PCDHA12: variants seen among roughly 807,000 people sequenced by gnomAD.
PCDHA12 encodes protocadherin alpha-12.
A neutral mutation model predicts 60.0 loss-of-function variants in PCDHA12; 44 were observed. That is an observed-to-expected ratio of 0.73 (90% CI 0.58 to 0.94). The LOEUF (loss-of-function observed/expected upper bound fraction) is 0.94. Among genes scored for constraint, PCDHA12 ranks in the 40% least tolerant of loss-of-function variants. PCDHA12 has a pLI of 0.00. For missense variants in PCDHA12, 1,276 were observed against 1,239.7 expected (o/e 1.03, Z -0.44); for synonymous variants, 569 against 553.0 (o/e 1.03, Z -0.40).
intron 1 of PCDHA12, chr5:140,968,789 G>T (rs782339889): frequency 1.9e-6 from 3 of 1,614,180 alleles, no homozygotes; most frequent in South Asian, 1.1e-5. Flanking sequence ...AGCCTCTGTG[G>T]CCATTACAGT....
At chr5:140,969,933 C>T (rs2096370749) in intron 1 of PCDHA12, among the ~76,000 whole-genome samples, 1 of 152,192 alleles carries the variant, frequency 6.6e-6, no homozygotes, top group South Asian at 2.1e-4. Context: ...ATTTAGACAT[C>T]ATACTGAAGC....
At chr5:140,911,592 A>G (rs1255304289) in intron 1 of PCDHA12, among the ~76,000 whole-genome samples, 1 of 152,212 alleles carries the variant, frequency 6.6e-6, no homozygotes, top group Non-Finnish European at 1.5e-5. Flanking sequence ...GGAGGAACCA[A>G]CCAACTTCAT....
rs781931363 is a variant in PCDHA12, at chr5:140,877,326, G to T, written c.1854G>T (p.Ala618=). ...AGTTGCAACCGGCGGCGGTCGGCGC[G>T]CACATCCCGTTCCACGTGGGGCTGT... ...SYELQPAAVG[A]HIPFHVGLYT... is the part of the protein sequence containing the mutation. The change falls in exon 1 of 4, where the codon GCG becomes GCT. Residue 618 remains alanine (A), a synonymous_variant. Transcript: ENST00000398631. 1 of 1,613,964 alleles carries T rather than the reference G, an allele frequency of 6.2e-7. No individual in the cohort carries two copies. Among genetic ancestry groups the T allele is most frequent in the East Asian group, 2.2e-5 (1 of 44,876 alleles).
chr5:140,968,923 T>G lies in PCDHA12; in HGVS notation c.2368-10026T>G, dbSNP rs140504777. The G allele has an allele frequency of 2.9e-3, 4,668 of 1,614,212 alleles. 4 individuals are homozygous for G. Among genetic ancestry groups the G allele is most frequent in the Non-Finnish European group, 3.3e-3 (3,916 of 1,180,046 alleles). ...CATTAAGCACAGTGTCTTTTATATT[T>G]CTTTTGACAATCATCATTTTGAGCA... On this transcript the variant is annotated intron_variant, in intron 1 of 3. Coordinates refer to ENST00000398631, the MANE Select transcript of PCDHA12 (RefSeq NM_018903.4).
chr5:140,891,876 G>C (rs781983742), intron 1 of PCDHA12, among the ~76,000 whole-genome samples: 9 of 152,186 alleles, frequency 5.9e-5, no homozygotes, highest in Non-Finnish European at 1.2e-4. Context: ...TTTTGGCTCT[G>C]TCATGTGACG....
At chr5:140,894,632 TATC>T (rs1161134901) in intron 1 of PCDHA12, among the ~76,000 whole-genome samples, 1 of 151,990 alleles carries the variant, frequency 6.6e-6, no homozygotes, top group Non-Finnish European at 1.5e-5. Context: ...TCTCCAATCA[TATC>T]ATTACTGAGT....
intron 1 of PCDHA12, among the ~76,000 whole-genome samples, chr5:140,909,491 A>T (rs1031839388): frequency 1.3e-5 from 2 of 152,218 alleles, no homozygotes; most frequent in Non-Finnish European, 2.9e-5. Flanking sequence ...GGAGAGCTGA[A>T]CGGGGATGTG....
rs782133089 is a variant in PCDHA12, at chr5:140,924,894, CAAA to C, written c.2367+47064_2367+47066del. Reference sequence around the variant, plus strand: ...TGGGTGACAGAGCAAGAACCTGTCTCAAAAAAAAAAATAAAATAAAATAAAATA... The same window carrying C: ...TGGGTGACAGAGCAAGAACCTGTCTCAAAAAAAATAAAATAAAATAAAATA... On this transcript the variant is annotated intron_variant, in intron 1 of 3. Transcript: ENST00000398631. Among the ~76,000 whole-genome samples the C allele has an allele frequency of 6.8e-3, 488 of 71,480 alleles. 13 individuals carry two copies. Among genetic ancestry groups the C allele is most frequent in the East Asian group, 0.051 (79 of 1,534 alleles). The allele number at this position is 71,480 out of a possible 152,430, so 46.9% of individuals were successfully genotyped here. A position where few individuals can be genotyped will look rare whatever the true frequency, so the allele number is the denominator to read the frequency against.
chr5:140,976,927 G>A (rs1322531610), intron 1 of PCDHA12, among the ~76,000 whole-genome samples: 2 of 152,184 alleles, frequency 1.3e-5, no homozygotes, highest in Admixed American at 1.3e-4. Context: ...CTAGTACTGT[G>A]TAGCTACTTA....
At chr5:140,890,886 A>G (rs1332125590) in intron 1 of PCDHA12, among the ~76,000 whole-genome samples, 3 of 151,952 alleles carry the variant, frequency 2.0e-5, no homozygotes, top group Admixed American at 1.3e-4. Flanking sequence ...TTCATCAGGG[A>G]TTATTGTCTT....
In PCDHA12 at chr5:141,010,099, G is replaced by T; in HGVS notation, c.*162G>T. 5 of 1,612,768 alleles carry T rather than the reference G, an allele frequency of 3.1e-6. No individual in the cohort carries two copies. The highest frequency in any genetic ancestry group is 4.2e-6 in the Non-Finnish European group (5 of 1,179,316). On this transcript the variant is annotated 3_prime_UTR_variant, in exon 4 of 4. Coordinates refer to ENST00000398631, the MANE Select transcript of PCDHA12 (RefSeq NM_018903.4). ...GTGTCTGTCTAGAACGCATTTAACA[G>T]GTTTTGTCGTAAAAGCTTTACTAAG...
chr5:140,983,340 A>AG (rs2097043854), intron 3 of PCDHA12, among the ~76,000 whole-genome samples: 1 of 152,240 alleles, frequency 6.6e-6, no homozygotes, highest in African/African-American at 2.4e-5. Flanking sequence ...TCACTAAAGC[A>AG]GGGTCATGTA....
intron 3 of PCDHA12, 42 bp from the exon 4 acceptor site, chr5:141,009,585 T>C: frequency 6.3e-7 from 1 of 1,592,908 alleles, no homozygotes; most frequent in Non-Finnish European, 8.6e-7. Flanking sequence ...ATCAAGAGCA[T>C]GTGTTGACCC....
intron 1 of PCDHA12, chr5:140,882,225 C>A (rs782533520): frequency 1.5e-5 from 23 of 1,559,462 alleles, no homozygotes; most frequent in Non-Finnish European, 1.8e-5. Flanking sequence ...TGAGGTAAGG[C>A]GTTGTATATA....
At position 140,877,096 on chromosome 5, in the gene PCDHA12, G is replaced by T; in HGVS notation, c.1624G>T (p.Val542Leu). 3 of 1,613,378 alleles carry T rather than the reference G, an allele frequency of 1.9e-6. No individual in the cohort carries two copies. Among genetic ancestry groups the T allele is most frequent in the Non-Finnish European group, 2.5e-6 (3 of 1,179,838 alleles). Residue 542 changes from valine to leucine, a missense_variant, in exon 1 of 4, where the codon GTG becomes TTG. By Grantham distance (32) the Val-to-Leu change is conservative (BLOSUM62 1). Coordinates refer to ENST00000398631, the MANE Select transcript of PCDHA12 (RefSeq NM_018903.4). Reference sequence around the variant, plus strand: ...CCAGGTGAGCGCGCGCGACGCCGGCGTGCCGCCTCTGGGCAGCAACGTGAC... The same window carrying T: ...CCAGGTGAGCGCGCGCGACGCCGGCTTGCCGCCTCTGGGCAGCAACGTGAC... ...QFQVSARDAG[V>L]PPLGSNVTLQ...
chr5:141,003,560 G>T (rs1011065385), intron 3 of PCDHA12, among the ~76,000 whole-genome samples: 1 of 152,062 alleles, frequency 6.6e-6, no homozygotes, highest in Non-Finnish European at 1.5e-5. Context: ...TGATCCACCT[G>T]CCTCAGACTC....
chr5:140,966,925 A>C (rs782069766), intron 1 of PCDHA12: 1 of 1,603,462 alleles, frequency 6.2e-7, no homozygotes, highest in Non-Finnish European at 8.5e-7. Context: ...AGGAGCAGGC[A>C]CCCGGCGCGC....
intron 1 of PCDHA12, among the ~76,000 whole-genome samples, chr5:140,932,642 T>G (rs2088501803): frequency 6.6e-6 from 1 of 151,860 alleles, no homozygotes. Context: ...AACTTTAGAA[T>G]GATGAAACTA....
chr5:140,993,459 TTC>T lies in PCDHA12; in HGVS notation c.2515+10899_2515+10900del, dbSNP rs202191067. Among the ~76,000 whole-genome samples the T allele has an allele frequency of 6.6e-3, 550 of 83,072 alleles. 5 individuals carry two copies. The highest frequency in any genetic ancestry group is 0.016 in the African/African-American group (346 of 21,866). The allele number at this position is 83,072 out of a possible 152,430, so 54.5% of individuals were successfully genotyped here. ...ATTCATTCCTGTTCTCCTTCTTTCTTTCTCACACACACACACACACACACACA... is the reference window on the plus strand; with the variant it reads ...ATTCATTCCTGTTCTCCTTCTTTCTTTCACACACACACACACACACACACA... On this transcript the variant is annotated intron_variant, in intron 3 of 3. Transcript: ENST00000398631.
Sources: gnomAD v4.1 joint callset for allele counts (sites outside exome capture counted in the v4.1 genomes callset) on GRCh38, gnomAD v4.1.1 for gene constraint, MANE v1.5 for transcripts, NCBI Gene and HGNC (gene_info 2026-07-23, HGNC 2026-07-21) for gene names.